The following ZFPM2 variants were observed in gnomAD, a reference collection of about 807,000 sequenced individuals.
ZFPM2 encodes the protein zinc finger protein, FOG family member 2, also known as zinc finger protein ZFPM2.
ZFPM2 carries 20 observed loss-of-function variants against 98.6 expected under a neutral mutation model. The observed-to-expected ratio is 0.20, with a 90% CI of 0.14 to 0.29. The LOEUF (loss-of-function observed/expected upper bound fraction) is 0.29. Ranked by LOEUF, ZFPM2 falls within the 10% of genes least tolerant of loss-of-function variation. ZFPM2 has a pLI of 1.00. For missense variants in ZFPM2, 1,310 were observed against 1,388.6 expected (o/e 0.94, Z 0.90); for synonymous variants, 518 against 502.7 (o/e 1.03, Z -0.41).
At chr8:105,595,072 A>T (rs1352843276) in intron 4 of ZFPM2, among the ~76,000 whole-genome samples, 1 of 152,134 alleles carries the variant, frequency 6.6e-6, no homozygotes, top group Non-Finnish European at 1.5e-5. Flanking sequence ...ACTCTGTGGG[A>T]TGTTAGAGAA....
At chr8:105,447,406 A>C (rs1812397425) in intron 3 of ZFPM2, among the ~76,000 whole-genome samples, 1 of 152,010 alleles carries the variant, frequency 6.6e-6, no homozygotes, top group Non-Finnish European at 1.5e-5. Flanking sequence ...TAGAGAATTA[A>C]ATCAGATCAT....
chr8:105,488,126 A>G (rs1442028205), intron 3 of ZFPM2, among the ~76,000 whole-genome samples: 3 of 152,280 alleles, frequency 2.0e-5, no homozygotes, highest in East Asian at 3.9e-4. Flanking sequence ...ACACATCATA[A>G]TCAATCGAAG....
At chr8:105,337,842 G>C (rs1812357269) in intron 1 of ZFPM2, among the ~76,000 whole-genome samples, 1 of 151,286 alleles carries the variant, frequency 6.6e-6, no homozygotes, top group Non-Finnish European at 1.5e-5. Context: ...AGTGAGTTAA[G>C]CTCTTCCAAA....
At chr8:105,458,473 G>A (rs1210190387) in intron 3 of ZFPM2, among the ~76,000 whole-genome samples, 1 of 151,862 alleles carries the variant, frequency 6.6e-6, no homozygotes, top group Non-Finnish European at 1.5e-5. Context: ...ATTAATCAAT[G>A]AAGATTGTTA....
intron 4 of ZFPM2, among the ~76,000 whole-genome samples, chr8:105,620,516 T>G (rs994167248): frequency 6.6e-6 from 1 of 152,228 alleles, no homozygotes; most frequent in Non-Finnish European, 1.5e-5. Context: ...TCTTTTGTTG[T>G]GCAGAAGCTC....
At chr8:105,734,580 C>G (rs1419156540) in intron 5 of ZFPM2, among the ~76,000 whole-genome samples, 1 of 151,912 alleles carries the variant, frequency 6.6e-6, no homozygotes, top group African/African-American at 2.4e-5. Flanking sequence ...ACTTTACAGT[C>G]TGTACTGGCT....
intron 1 of ZFPM2, among the ~76,000 whole-genome samples, chr8:105,348,318 C>G (rs1812578014): frequency 6.6e-6 from 1 of 152,206 alleles, no homozygotes; most frequent in South Asian, 2.1e-4. Context: ...GACTTACAAT[C>G]TACCATTCTA....
In ZFPM2 at chr8:105,500,453, C is replaced by T. The variant is rs569232776; in HGVS notation, c.301+56072C>T. On this transcript the variant is annotated intron_variant, in intron 3 of 7. Transcript: ENST00000407775. ...CAACTAAATGAGGTGTCATTTCTGGCCTGTATCCCTTCTGTGTATGTTATA... is the reference window on the plus strand; with the variant it reads ...CAACTAAATGAGGTGTCATTTCTGGTCTGTATCCCTTCTGTGTATGTTATA... 1.7e-4 allele frequency among the ~76,000 whole-genome samples: 26 copies of T among 152,166 alleles called. No homozygotes were observed. The South Asian group carries it at 5.4e-3, about 32-fold the overall frequency.
chr8:105,738,103 G>C (rs1275981024), intron 5 of ZFPM2, among the ~76,000 whole-genome samples: 2 of 151,888 alleles, frequency 1.3e-5, no homozygotes, highest in Non-Finnish European at 2.9e-5. Flanking sequence ...TCGTTATACA[G>C]ATTATTTCAT....
At chr8:105,590,024 T>TA (rs1332138102) in intron 4 of ZFPM2, among the ~76,000 whole-genome samples, 7 of 152,272 alleles carry the variant, frequency 4.6e-5, no homozygotes, top group Non-Finnish European at 8.8e-5. Context: ...CCGGCTTCTT[T>TA]AATTCATTTT....
intron 3 of ZFPM2, among the ~76,000 whole-genome samples, chr8:105,510,447 T>C (rs73697368): frequency 0.013 from 1,953 of 151,586 alleles, 33 homozygotes; most frequent in African/African-American, 0.044. Context: ...TTGCTTCAAT[T>C]TGGAATCTTC....
intron 3 of ZFPM2, among the ~76,000 whole-genome samples, chr8:105,520,490 A>G (rs1363038438): frequency 6.6e-6 from 1 of 152,168 alleles, no homozygotes; most frequent in African/African-American, 2.4e-5. Context: ...TAAGAGAAAA[A>G]ATATAATTTA....
intron 4 of ZFPM2, among the ~76,000 whole-genome samples, chr8:105,580,544 A>G (rs540240865): frequency 2.6e-5 from 4 of 152,112 alleles, no homozygotes; most frequent in Non-Finnish European, 5.9e-5. Context: ...CAATGACTAC[A>G]TTATTTTTAG....
At chr8:105,616,632 T>A (rs1478276785) in intron 4 of ZFPM2, 2 of 345,954 alleles carry the variant, frequency 5.8e-6, no homozygotes, top group East Asian at 2.1e-4. Flanking sequence ...ATAAGCGTTA[T>A]TTAATATTTG....
Position 105,444,329 on chromosome 8 carries a change from G to C in ZFPM2, c.249G>C (p.Gln83His). The C allele has an allele frequency of 6.2e-7, 1 of 1,612,556 alleles. No individual in the cohort carries two copies. Among genetic ancestry groups the C allele is most frequent in the South Asian group, 1.1e-5 (1 of 90,494 alleles). The stretch of plus-strand genomic sequence containing the variant: ...CAGCAGAATCAGATGGGGACACACA[G>C]TCAGAGAAACCGGGGCAACCTGGAG... ...QETAESDGDT[Q>H]SEKPGQPGVE... Residue 83 changes from glutamine to histidine, a missense_variant, in exon 3 of 8, where the codon CAG becomes CAC. Transcript: ENST00000407775.
intron 5 of ZFPM2, among the ~76,000 whole-genome samples, chr8:105,676,235 C>T (rs1810452375): frequency 6.6e-6 from 1 of 152,200 alleles, no homozygotes; most frequent in South Asian, 2.1e-4. Flanking sequence ...ATCTACTCAC[C>T]AACACATTTA....
intron 1 of ZFPM2, among the ~76,000 whole-genome samples, chr8:105,336,023 C>G (rs1165876255): frequency 2.6e-5 from 4 of 151,726 alleles, no homozygotes; most frequent in African/African-American, 9.7e-5. Context: ...CAGTGGCTGC[C>G]TATCCGATGG....
At chr8:105,642,890 T>C (rs1045545638) in intron 5 of ZFPM2, among the ~76,000 whole-genome samples, 12 of 152,218 alleles carry the variant, frequency 7.9e-5, no homozygotes, top group Admixed American at 1.3e-4. Context: ...GGTTAAAATG[T>C]GTGCCTAAAA....
At chr8:105,780,170 G>T (rs1369303385) in intron 5 of ZFPM2, 1 of 152,166 alleles carries the variant, frequency 6.6e-6, no homozygotes, top group Admixed American at 6.5e-5. Flanking sequence ...ACTGAGGAGA[G>T]TGACTATGTT....
Sources: gnomAD v4.1 joint callset for allele counts (sites outside exome capture counted in the v4.1 genomes callset) on GRCh38, gnomAD v4.1.1 for gene constraint, MANE v1.5 for transcripts, NCBI Gene and HGNC (gene_info 2026-07-23, HGNC 2026-07-21) for gene names.